The following SNX29 variants were observed in gnomAD, a reference collection of about 807,000 sequenced individuals.
SNX29 encodes the protein sorting nexin-29.
SNX29 carries 78 observed loss-of-function variants against 102.1 expected under a neutral mutation model. The ratio of observed to expected loss-of-function variants is 0.76; its 90% CI spans 0.64 to 0.92. The LOEUF (loss-of-function observed/expected upper bound fraction) is 0.92. Ranked by LOEUF, SNX29 falls within the 40% of genes least tolerant of loss-of-function variation. The pLI is 0.00. For missense variants in SNX29, 1,280 were observed against 1,061.7 expected, an observed-to-expected ratio of 1.21 and a Z score of -2.86; for synonymous variants, 580 against 414.5, an observed-to-expected ratio of 1.40 and a Z score of -4.85.
chr16:12,426,782 T>C (rs114114223), intron 18 of SNX29, among the ~76,000 whole-genome samples: 1,793 of 152,280 alleles, frequency 0.012, 40 homozygotes, highest in African/African-American at 0.041. Context: ...TCTTGTGCCT[T>C]GGCTACCTAT....
intron 14 of SNX29, among the ~76,000 whole-genome samples, chr16:12,252,987 T>G (rs1284060154): frequency 6.6e-6 from 1 of 152,194 alleles, no homozygotes; most frequent in Non-Finnish European, 1.5e-5. Context: ...GGGAGGGTTC[T>G]TGCGTTGGGT....
intron 4 of SNX29, chr16:12,038,821 T>G (rs978673368): frequency 1.2e-4 from 18 of 152,256 alleles, no homozygotes; most frequent in African/African-American, 4.3e-4. Context: ...GTGATGGACG[T>G]ACCGACAATG....
chr16:12,568,307 A>AAAG (rs1555465910), intron 20 of SNX29, among the ~76,000 whole-genome samples, 199 bp from the exon 21 acceptor site: 1 of 151,062 alleles, frequency 6.6e-6, no homozygotes, highest in Admixed American at 6.6e-5. Flanking sequence ...GTGCTGTTAA[A>AAAG]AAAAAAAAAA....
At chr16:12,111,083 A>G (rs2053484187) in intron 11 of SNX29, among the ~76,000 whole-genome samples, 1 of 152,150 alleles carries the variant, frequency 6.6e-6, no homozygotes, top group African/African-American at 2.4e-5. Context: ...AAGTACTGCG[A>G]TTACACGTGT....
chr16:12,380,700 C>G (rs1646394645), intron 16 of SNX29, among the ~76,000 whole-genome samples: 1 of 128,112 alleles, frequency 7.8e-6, no homozygotes, highest in Non-Finnish European at 1.6e-5. Context: ...ACCCATCCAC[C>G]CACCAACCAT....
intron 18 of SNX29, among the ~76,000 whole-genome samples, chr16:12,469,692 C>A (rs1020135645): frequency 2.6e-5 from 4 of 152,162 alleles, no homozygotes; most frequent in Admixed American, 1.3e-4. Context: ...TTAGTTGCTC[C>A]AGGTTTGTTT....
At chr16:12,561,135 C>G (rs2078702197) in intron 20 of SNX29, 1 of 228,648 alleles carries the variant, frequency 4.4e-6, no homozygotes, top group African/African-American at 2.2e-5. Flanking sequence ...AGTCCTGAGG[C>G]CCAGGTGTTG....
chr16:12,264,585 G>A (rs190723248), intron 14 of SNX29, among the ~76,000 whole-genome samples: 6 of 152,236 alleles, frequency 3.9e-5, no homozygotes, highest in East Asian at 1.9e-4. Context: ...AGCTTGAGAC[G>A]AGCCTGGCTA....
intron 13 of SNX29, among the ~76,000 whole-genome samples, chr16:12,148,719 T>C (rs895375161): frequency 2.0e-5 from 3 of 152,116 alleles, no homozygotes; most frequent in Admixed American, 1.3e-4. Context: ...TTTTCTGAGG[T>C]GGCATCTCGC....
At chr16:11,995,170 A>G (rs927086003) in intron 1 of SNX29, among the ~76,000 whole-genome samples, 12 of 152,138 alleles carry the variant, frequency 7.9e-5, no homozygotes, top group African/African-American at 2.9e-4. Flanking sequence ...GGTTCAAGCG[A>G]TTCTCCTGCC....
intron 8 of SNX29, among the ~76,000 whole-genome samples, chr16:12,055,365 C>T (rs982914939): frequency 6.6e-6 from 1 of 151,806 alleles, no homozygotes; most frequent in Admixed American, 6.6e-5. Flanking sequence ...TCTCGAGTAG[C>T]TGGGATTACA....
At chr16:12,011,562 A>C (rs973629872) in intron 3 of SNX29, among the ~76,000 whole-genome samples, 7 of 152,160 alleles carry the variant, frequency 4.6e-5, no homozygotes, top group Non-Finnish European at 7.3e-5. Flanking sequence ...GGCGTGAGTC[A>C]CTATGCCTGG....
chr16:11,993,612 A>G (rs531900148), intron 1 of SNX29, among the ~76,000 whole-genome samples: 4 of 152,250 alleles, frequency 2.6e-5, no homozygotes, highest in African/African-American at 9.6e-5. Flanking sequence ...ATGAGCCTGA[A>G]GGAGGGAGGT....
chr16:12,041,517 A>T (rs147712679), intron 4 of SNX29, among the ~76,000 whole-genome samples: 1 of 152,188 alleles, frequency 6.6e-6, no homozygotes, highest in Non-Finnish European at 1.5e-5. Flanking sequence ...GAAGTCCCCA[A>T]TCAGTTTCAC....
chr16:12,362,485 C>A (rs74008989), intron 16 of SNX29, among the ~76,000 whole-genome samples: 6,369 of 149,474 alleles, frequency 0.043, 265 homozygotes, highest in African/African-American at 0.1. Context: ...CGTTGGGCAT[C>A]CAAATTAAGT....
chr16:12,173,730 A>C (rs2076200609), intron 13 of SNX29, among the ~76,000 whole-genome samples: 1 of 152,206 alleles, frequency 6.6e-6, no homozygotes, highest in Non-Finnish European at 1.5e-5. Flanking sequence ...TTCCTTGCTT[A>C]TAACTTAATG....
intron 19 of SNX29, among the ~76,000 whole-genome samples, chr16:12,489,020 A>T (rs2088399846): frequency 6.6e-6 from 1 of 152,182 alleles, no homozygotes; most frequent in Non-Finnish European, 1.5e-5. Context: ...ATCCTTATTT[A>T]GTCTCTCCTT....
intron 13 of SNX29, among the ~76,000 whole-genome samples, chr16:12,173,934 C>T (rs2076205047): frequency 6.6e-6 from 1 of 152,188 alleles, no homozygotes; most frequent in Admixed American, 6.5e-5. Context: ...TATGCCCCAC[C>T]ATGCTGGGCT....
At chr16:12,124,469 T>G (rs1175783145) in intron 11 of SNX29, among the ~76,000 whole-genome samples, 2 of 152,202 alleles carry the variant, frequency 1.3e-5, no homozygotes, top group African/African-American at 2.4e-5. Flanking sequence ...AGATGTGCCC[T>G]TGATGTGCAG....
Sources: allele counts gnomAD v4.1 joint callset (sites outside exome capture counted in the v4.1 genomes callset), GRCh38; gene constraint gnomAD v4.1.1; transcripts MANE v1.5; gene names NCBI Gene and HGNC (gene_info 2026-07-23, HGNC 2026-07-21).